SLCO1A2: variants seen among roughly 807,000 people sequenced by gnomAD.
The protein encoded by SLCO1A2 is solute carrier organic anion transporter family member 1A2, also known as OATP-1.
In SLCO1A2, 67 loss-of-function variants were observed where a neutral mutation model predicts 69.0. The ratio of observed to expected loss-of-function variants is 0.97; its 90% CI spans 0.80 to 1.19. SLCO1A2 has a LOEUF of 1.19. Among genes scored for constraint, SLCO1A2 ranks in the 50% most tolerant of loss-of-function variants. The probability of loss-of-function intolerance (pLI) is 0.00; values close to 1 mark genes in which losing one functional copy is unlikely to be tolerated. For synonymous variants in SLCO1A2, 260 were observed against 265.9 expected (o/e 0.98, Z 0.22); for missense variants, 787 against 793.7 (o/e 0.99, Z 0.10).
At chr12:21,353,314 G>A (rs1938105145) in intron 2 of SLCO1A2, among the ~76,000 whole-genome samples, 1 of 151,908 alleles carries the variant, frequency 6.6e-6, no homozygotes, top group African/African-American at 2.4e-5. Flanking sequence ...TAAATATGGA[G>A]CAAAACAAAA....
At chr12:21,362,935 C>A (rs1194412362) in intron 2 of SLCO1A2, among the ~76,000 whole-genome samples, 2 of 152,146 alleles carry the variant, frequency 1.3e-5, no homozygotes, top group Admixed American at 6.5e-5. Flanking sequence ...GACTCCCACA[C>A]AATAATAATG....
At chr12:21,402,361 GT>G (rs1565532947) in intron 1 of SLCO1A2, among the ~76,000 whole-genome samples, 2 of 151,962 alleles carry the variant, frequency 1.3e-5, no homozygotes, top group Non-Finnish European at 2.9e-5. Context: ...ATGAACTGGG[GT>G]TTATAAGAGA....
chr12:21,340,566 C>A (rs1411415354), intron 2 of SLCO1A2, among the ~76,000 whole-genome samples: 3 of 152,012 alleles, frequency 2.0e-5, no homozygotes, highest in Non-Finnish European at 4.4e-5. Flanking sequence ...CCTCTCCATA[C>A]CCCAGTCACT....
At chr12:21,300,062 ATGTG>A in intron 8 of SLCO1A2, among the ~76,000 whole-genome samples, 1 of 150,602 alleles carries the variant, frequency 6.6e-6, no homozygotes, top group South Asian at 2.1e-4. Context: ...GTACATATAT[ATGTG>A]TGTGTATATA....
chr12:21,325,429 A>G (rs1952147697), intron 2 of SLCO1A2, among the ~76,000 whole-genome samples: 1 of 152,116 alleles, frequency 6.6e-6, no homozygotes, highest in Admixed American at 6.6e-5. Context: ...CTACCCCCAG[A>G]CCATTTTACT....
chr12:21,373,435 G>A (rs1450606637), intron 2 of SLCO1A2: 1 of 1,603,786 alleles, frequency 6.2e-7, no homozygotes, highest in East Asian at 2.2e-5. Flanking sequence ...TTGAAAGGTT[G>A]GTAACTTTAA....
chr12:21,373,260 C>T (rs1939931161), intron 2 of SLCO1A2: 1 of 916,372 alleles, frequency 1.1e-6, no homozygotes, highest in South Asian at 1.4e-5. Flanking sequence ...CTTTTAAAAA[C>T]TAAGCTCTAA....
At chr12:21,360,748 C>T (rs77434866) in intron 2 of SLCO1A2, among the ~76,000 whole-genome samples, 1 of 152,230 alleles carries the variant, frequency 6.6e-6, no homozygotes, top group Non-Finnish European at 1.5e-5. Context: ...TATCCCGCGG[C>T]TGGCTTGGAG....
intron 14 of SLCO1A2, among the ~76,000 whole-genome samples, chr12:21,273,395 A>G (rs1943227604): frequency 6.6e-6 from 1 of 152,192 alleles, no homozygotes; most frequent in Non-Finnish European, 1.5e-5. Context: ...GCTAACAAGA[A>G]AAGCAGAAAT....
intron 2 of SLCO1A2, among the ~76,000 whole-genome samples, chr12:21,358,756 CT>C (rs34822370): frequency 0.32 from 49,175 of 151,734 alleles, 8,278 homozygotes; most frequent in East Asian, 0.46. Flanking sequence ...GTTGGAGATA[CT>C]TTTAAAATAT....
intron 2 of SLCO1A2, among the ~76,000 whole-genome samples, chr12:21,341,654 A>G (rs1953072138): frequency 1.3e-5 from 2 of 152,066 alleles, no homozygotes; most frequent in Non-Finnish European, 2.9e-5. Flanking sequence ...GACTGGAGTC[A>G]CGAAATATTA....
chr12:21,305,036 T>C (rs1046579531), intron 5 of SLCO1A2, among the ~76,000 whole-genome samples: 2 of 152,236 alleles, frequency 1.3e-5, no homozygotes, highest in African/African-American at 4.8e-5. Context: ...TTATAAGATT[T>C]AAACAAAAGT....
At chr12:21,332,662 G>C (rs1165003750) in intron 2 of SLCO1A2, among the ~76,000 whole-genome samples, 1 of 152,058 alleles carries the variant, frequency 6.6e-6, no homozygotes, top group African/African-American at 2.4e-5. Context: ...CTTAGAGGCT[G>C]TATATACTGA....
chr12:21,381,444 T>C (rs1250529198), intron 1 of SLCO1A2, among the ~76,000 whole-genome samples: 3 of 151,802 alleles, frequency 2.0e-5, no homozygotes, highest in African/African-American at 7.3e-5. Context: ...ATCAGGGAAA[T>C]GCAAATCAAA....
intron 2 of SLCO1A2, among the ~76,000 whole-genome samples, chr12:21,360,440 G>A (rs968076851): frequency 6.6e-6 from 1 of 152,216 alleles, no homozygotes; most frequent in Non-Finnish European, 1.5e-5. Context: ...GTGGCACCAA[G>A]ATGGCCGAAT....
At chr12:21,293,036 G>A (rs1320090030) in intron 11 of SLCO1A2, among the ~76,000 whole-genome samples, 1 of 152,206 alleles carries the variant, frequency 6.6e-6, no homozygotes, top group African/African-American at 2.4e-5. Flanking sequence ...AGGGCGCAGT[G>A]GCTTACGCCT....
In SLCO1A2 at chr12:21,269,770, A is replaced by AT. The variant is rs747483273; in HGVS notation, c.1794-4dup. Reference sequence around the variant, plus strand: ...CCGGCAATCCGAGGTAGATGTATCTATTTTTTTAAAAGTTAAAACATATTA... The same window carrying AT: ...CCGGCAATCCGAGGTAGATGTATCTATTTTTTTTAAAAGTTAAAACATATTA... On this transcript the variant is annotated splice_polypyrimidine_tract_variant and splice_region_variant and intron_variant, in intron 14 of 14. Transcript: ENST00000683939. 7 of 1,602,432 alleles carry AT rather than the reference A, an allele frequency of 4.4e-6. No individual in the cohort carries two copies. Among genetic ancestry groups the AT allele is most frequent in the Non-Finnish European group, 6.0e-6 (7 of 1,174,338 alleles).
At chr12:21,274,919 A>G (rs1289838893) in intron 13 of SLCO1A2, 1 of 1,054,638 alleles carries the variant, frequency 9.5e-7, no homozygotes, top group Non-Finnish European at 1.1e-6. Flanking sequence ...TTTATTTTCA[A>G]ATCTTCAAAC....
At position 21,334,871 on chromosome 12, in the gene SLCO1A2, G is replaced by GAT. The variant is rs1324385979; in HGVS notation, c.-109_-108dup. ...ATTAGAAAATCATGGTGTTAGAGAA[G>GAT]ATTTAGTTGTTGGTTTTCTATTTCA... is the stretch of plus-strand genomic sequence containing the variant. On this transcript the variant is annotated 5_prime_UTR_variant, in exon 1 of 15. Coordinates refer to ENST00000683939, the MANE Select transcript of SLCO1A2 (RefSeq NM_001386879.1). 2.4e-6 allele frequency: 1 copy of GAT among 418,396 alleles called. No individual in the cohort carries two copies. Among genetic ancestry groups the GAT allele is most frequent in the Non-Finnish European group, 4.2e-6 (1 of 237,348 alleles). 25.9% of individuals were successfully genotyped at this position (418,396 alleles called of 1,614,324 possible).
Sources: gnomAD v4.1 joint callset for allele counts (sites outside exome capture counted in the v4.1 genomes callset) on GRCh38, gnomAD v4.1.1 for gene constraint, MANE v1.5 for transcripts, NCBI Gene and HGNC (gene_info 2026-07-23, HGNC 2026-07-21) for gene names.